DNAH11: variants seen among roughly 807,000 people sequenced by gnomAD.
The protein encoded by DNAH11 is axonemal beta dynein heavy chain 11.
A neutral mutation model predicts 526.0 loss-of-function variants in DNAH11; 442 were observed. The ratio of observed to expected loss-of-function variants is 0.84; its 90% CI spans 0.78 to 0.91. The LOEUF is 0.91. DNAH11 is among the 40% of genes least tolerant of loss of function. DNAH11 has a pLI of 0.00. For missense variants in DNAH11, 6,989 were observed against 5,448.7 expected, an observed-to-expected ratio of 1.28 and a Z score of -8.90; for synonymous variants, 2,461 against 1,935.9, an observed-to-expected ratio of 1.27 and a Z score of -7.12.
intron 55 of DNAH11, 115 bp from the exon 56 acceptor site, chr7:21,773,651 A>G: frequency 1.3e-6 from 1 of 788,032 alleles, no homozygotes. Flanking sequence ...CGTAGGTTAT[A>G]CTATCATTTT....
chr7:21,890,658 C>T (rs2128046715), intron 76 of DNAH11, among the ~76,000 whole-genome samples: 1 of 152,250 alleles, frequency 6.6e-6, no homozygotes, highest in African/African-American at 2.4e-5. Flanking sequence ...ATTCTGGCTA[C>T]TTTATCCATC....
At chr7:21,577,160 A>G (rs1256846038) in intron 8 of DNAH11, among the ~76,000 whole-genome samples, 12 of 152,222 alleles carry the variant, frequency 7.9e-5, no homozygotes, top group Admixed American at 7.9e-4. Flanking sequence ...CAGACCAGAA[A>G]GAAGCCCAGT....
chr7:21,786,534 T>C, intron 58 of DNAH11, 90 bp from the exon 59 acceptor site: 1 of 1,423,588 alleles, frequency 7.0e-7, no homozygotes, highest in African/African-American at 1.4e-5. Context: ...GAAGTGGGAG[T>C]CCACTAAAGC....
chr7:21,564,161 G>A lies in DNAH11; in HGVS notation c.983-25G>A, dbSNP rs534768165. 87 of 1,477,022 alleles carry A rather than the reference G, an allele frequency of 5.9e-5. No individual in the cohort carries two copies. The Middle Eastern group carries it at 1.4e-3, about 25-fold the overall frequency. The allele number at this position is 1,477,022 out of a possible 1,614,324, so 91.5% of individuals were successfully genotyped here. ...AAAAAAAAAAACAAACCAGAATCAC[G>A]TTAATGGTGGTTCTTTGCTTTCAGC... On this transcript the variant is annotated intron_variant, in intron 5 of 81. Coordinates refer to ENST00000409508, the MANE Select transcript of DNAH11 (RefSeq NM_001277115.2).
rs1474520265 is a variant in DNAH11 at position 21,832,601 on chromosome 7, A to G, written c.10692-9943A>G. 2.0e-5 allele frequency among the ~76,000 whole-genome samples: 3 copies of G among 152,204 alleles called. No homozygotes were observed. In the East Asian group the frequency reaches 5.8e-4, roughly 29 times the overall value. The stretch of plus-strand genomic sequence containing the variant: ...GAGAACCTCATGCTTCCTGATGACT[A>G]GTCTCACACATTTATTCTTGAAAGC... On this transcript the variant is annotated intron_variant, in intron 65 of 81. Coordinates refer to ENST00000409508, the MANE Select transcript of DNAH11 (RefSeq NM_001277115.2).
chr7:21,628,179 G>T (rs772341501), intron 25 of DNAH11, among the ~76,000 whole-genome samples: 1 of 148,790 alleles, frequency 6.7e-6, no homozygotes, highest in Non-Finnish European at 1.5e-5. Flanking sequence ...AGTTCTAACA[G>T]TTTTTTTTTT....
rs563684941 is a variant in DNAH11 at position 21,636,132 on chromosome 7, G to C, written c.4725+37G>C. The C allele has an allele frequency of 6.4e-5, 96 of 1,502,770 alleles. No homozygotes were observed. In the East Asian group the frequency reaches 1.6e-3, roughly 25 times the overall value. The allele number at this position is 1,502,770 out of a possible 1,614,324, so 93.1% of individuals were successfully genotyped here. Reference sequence around the variant, plus strand: ...ACAGGCTGTATGCTATTCTAGCAAAGTTTTGTAAAGTAACATGGTTTTGAG... The same window carrying C: ...ACAGGCTGTATGCTATTCTAGCAAACTTTTGTAAAGTAACATGGTTTTGAG... On this transcript the variant is annotated intron_variant, in intron 26 of 81. Coordinates refer to ENST00000409508, the MANE Select transcript of DNAH11 (RefSeq NM_001277115.2).
intron 39 of DNAH11, 130 bp from the exon 40 acceptor site, chr7:21,707,569 T>C: frequency 8.5e-7 from 1 of 1,170,152 alleles, no homozygotes; most frequent in Non-Finnish European, 1.2e-6. Context: ...ATTTTTCCCC[T>C]TCTCGATCTT....
Position 21,839,803 on chromosome 7 carries a change from A to G in DNAH11, c.10692-2741A>G, listed in dbSNP as rs146121945. Among the ~76,000 whole-genome samples, 595 of 152,208 alleles carry G rather than the reference A, an allele frequency of 3.9e-3. 9 individuals carry two copies. The highest frequency in any genetic ancestry group is 0.013 in the African/African-American group (545 of 41,474). Reference sequence around the variant, plus strand: ...AGAATTTTTTCAAGTTTAGACACTTAATCAACAACTCTGAAGGTTTCTGTT... The same window carrying G: ...AGAATTTTTTCAAGTTTAGACACTTGATCAACAACTCTGAAGGTTTCTGTT... On this transcript the variant is annotated intron_variant, in intron 65 of 81. Transcript: ENST00000409508.
At chr7:21,728,313 A>C (rs975827961) in intron 45 of DNAH11, among the ~76,000 whole-genome samples, 1 of 127,808 alleles carries the variant, frequency 7.8e-6, no homozygotes, top group Non-Finnish European at 1.5e-5. Flanking sequence ...GCTGGAGTGC[A>C]GTGGTGCAAT....
At chr7:21,564,981 C>T (rs905578287) in intron 6 of DNAH11, among the ~76,000 whole-genome samples, 3 of 152,104 alleles carry the variant, frequency 2.0e-5, no homozygotes, top group Non-Finnish European at 2.9e-5. Flanking sequence ...TCCATGTTCA[C>T]AGTACCAGAG....
chr7:21,731,307 G>C (rs1401933689), intron 45 of DNAH11, among the ~76,000 whole-genome samples: 3 of 152,080 alleles, frequency 2.0e-5, no homozygotes, highest in African/African-American at 7.2e-5. Context: ...TTTTAGCTCT[G>C]TGATCCAAAA....
At chr7:21,599,348 T>C (rs1784984371) in intron 14 of DNAH11, among the ~76,000 whole-genome samples, 1 of 152,238 alleles carries the variant, frequency 6.6e-6, no homozygotes, top group Non-Finnish European at 1.5e-5. Context: ...CTTCACTGAC[T>C]TGATAGTCTT....
chr7:21,710,811 C>A, intron 41 of DNAH11, 108 bp downstream of exon 41: 1 of 1,082,708 alleles, frequency 9.2e-7, no homozygotes, highest in Non-Finnish European at 1.3e-6. Flanking sequence ...ACCTGGGATT[C>A]TTTATGTAAT....
chr7:21,900,384 T>G (rs1784729498), intron 81 of DNAH11, among the ~76,000 whole-genome samples: 1 of 151,336 alleles, frequency 6.6e-6, no homozygotes, highest in Non-Finnish European at 1.5e-5. Context: ...ATCATTAGAC[T>G]TAGACTGAAT....
chr7:21,854,179 A>T (rs1782743541), intron 67 of DNAH11, 136 bp from the exon 68 acceptor site: 2 of 825,670 alleles, frequency 2.4e-6, no homozygotes, highest in African/African-American at 1.8e-5. Flanking sequence ...GAAAAGCTCG[A>T]GCACATGGAT....
In DNAH11 at chr7:21,559,584, A is replaced by G; in HGVS notation, c.693-19A>G. ...AAATGATTCATCTTTGAATTATTTT[A>G]TTATCTTAATGTTTGTAGGCCACCG... On this transcript the variant is annotated intron_variant, in intron 3 of 81. Transcript: ENST00000409508. 2 of 1,550,840 alleles carry G rather than the reference A, an allele frequency of 1.3e-6. No individual in the cohort carries two copies. Among genetic ancestry groups the G allele is most frequent in the Non-Finnish European group, 1.7e-6 (2 of 1,144,006 alleles).
intron 2 of DNAH11, among the ~76,000 whole-genome samples, chr7:21,549,702 C>T (rs548645616): frequency 6.6e-6 from 1 of 152,272 alleles, no homozygotes; most frequent in South Asian, 2.1e-4. Flanking sequence ...GTAATTTATT[C>T]TTTAAGGGTC....
intron 57 of DNAH11, among the ~76,000 whole-genome samples, chr7:21,780,370 C>T (rs1412379497): frequency 6.6e-6 from 1 of 152,052 alleles, no homozygotes; most frequent in African/African-American, 2.4e-5. Flanking sequence ...CATAATGAGA[C>T]CCCATTCTCC....
Sources: allele counts gnomAD v4.1 joint callset (sites outside exome capture counted in the v4.1 genomes callset), GRCh38; gene constraint gnomAD v4.1.1; transcripts MANE v1.5; gene names NCBI Gene and HGNC (gene_info 2026-07-23, HGNC 2026-07-21).